The following MCOLN1 variants were observed in gnomAD, a reference collection of about 807,000 sequenced individuals.
MCOLN1 encodes mucolipin TRP cation channel 1, also known as mucolipin-1.
A neutral mutation model predicts 70.3 loss-of-function variants in MCOLN1; 50 were observed. The ratio of observed to expected loss-of-function variants is 0.71; its 90% CI spans 0.57 to 0.90. MCOLN1 has a LOEUF of 0.90. MCOLN1 is among the 40% of genes least tolerant of loss of function. MCOLN1 has a pLI of 0.00. For synonymous variants in MCOLN1, 366 were observed against 341.0 expected (o/e 1.07, Z -0.81); for missense variants, 598 against 803.5 (o/e 0.74, Z 3.09).
In MCOLN1 at chr19:7,524,175, C is replaced by G. The variant is rs115208233; in HGVS notation, c.32-786C>G. Among the ~76,000 whole-genome samples, 3,353 of 152,226 alleles carry G rather than the reference C, an allele frequency of 0.022. 120 individuals are homozygous for G. Among genetic ancestry groups the G allele is most frequent in the African/African-American group, 0.077 (3,186 of 41,510 alleles). On this transcript the variant is annotated intron_variant, in intron 1 of 13. Transcript: ENST00000264079. This position sits in a 1 kb window ranked among gnomAD's most constrained non-coding sequence, Gnocchi z 4.1. ...GGGTCGCCTTTTTAAAATTTCCACT[C>G]TTCAGATGAGGAGATGGAGGCTCAG...
In MCOLN1 at chr19:7,527,500, C is replaced by T. The variant is rs763070605; in HGVS notation, c.572-20C>T. 3.4e-6 allele frequency: 4 copies of T among 1,170,536 alleles called. No homozygotes were observed. The highest frequency in any genetic ancestry group is 5.2e-6 in the Non-Finnish European group (4 of 774,226). The allele number at this position is 1,170,536 out of a possible 1,614,324, so 72.5% of individuals were successfully genotyped here. A position where few individuals can be genotyped will look rare whatever the true frequency, so the allele number is the denominator to read the frequency against. ...GCCTCCCCGGCCCCCTGAGGCCCTTCCCTGACTCCCTGTCCTTAGACTGCA... is the reference window on the plus strand; with the variant it reads ...GCCTCCCCGGCCCCCTGAGGCCCTTTCCTGACTCCCTGTCCTTAGACTGCA... On this transcript the variant is annotated intron_variant, in intron 4 of 13. Transcript: ENST00000264079.
rs1388254627 is a variant in MCOLN1 at position 7,529,520 on chromosome 19, C to A, written c.1237-70C>A. The A allele has an allele frequency of 5.0e-6, 7 of 1,387,248 alleles. No individual in the cohort carries two copies. In the African/African-American group the frequency reaches 5.7e-5, roughly 11 times the overall value. The allele number at this position is 1,387,248 out of a possible 1,614,324, so 85.9% of individuals were successfully genotyped here. On this transcript the variant is annotated intron_variant, in intron 10 of 13. Transcript: ENST00000264079. ...GGCAAGGCCCCGCCCCTCCCACCCCCATCTGGGTGCCCACAGCTGACCTGA... is the reference window on the plus strand; with the variant it reads ...GGCAAGGCCCCGCCCCTCCCACCCCAATCTGGGTGCCCACAGCTGACCTGA...
Position 7,528,014 on chromosome 19 carries a change from T to C in MCOLN1, c.777+54T>C. Reference sequence around the variant, plus strand: ...CCTGAGTTCCAGGGCAGGGACCTGGTCAGGGAGTGTCTTGGGAGCACTGGC... The same window carrying C: ...CCTGAGTTCCAGGGCAGGGACCTGGCCAGGGAGTGTCTTGGGAGCACTGGC... On this transcript the variant is annotated intron_variant, in intron 6 of 13. Coordinates refer to ENST00000264079, the MANE Select transcript of MCOLN1 (RefSeq NM_020533.3). This position sits in a 1 kb window ranked among gnomAD's most constrained non-coding sequence, Gnocchi z 4.2. The C allele has an allele frequency of 6.4e-7, 1 of 1,555,460 alleles. No individual in the cohort carries two copies. The highest frequency in any genetic ancestry group is 8.9e-7 in the Non-Finnish European group (1 of 1,126,892).
intron 12 of MCOLN1, among the ~76,000 whole-genome samples, chr19:7,531,799 C>A (rs988375416): frequency 6.6e-5 from 10 of 152,244 alleles, no homozygotes; most frequent in African/African-American, 2.4e-4. Context: ...TACTGAGTAG[C>A]TGGGATTATA....
At chr19:7,527,158 G>T in intron 4 of MCOLN1, 1 of 616,650 alleles carries the variant, frequency 1.6e-6, no homozygotes, top group Non-Finnish European at 2.9e-6. Context: ...TGTGGTCCCA[G>T]CTACTCAGGA....
chr19:7,528,795 G>A lies in MCOLN1; in HGVS notation c.985-26G>A, dbSNP rs755065891. The A allele has an allele frequency of 3.5e-5, 56 of 1,614,016 alleles. No individual in the cohort carries two copies. Among genetic ancestry groups the A allele is most frequent in the Non-Finnish European group, 4.4e-5 (52 of 1,179,992 alleles). On this transcript the variant is annotated intron_variant, in intron 8 of 13. Coordinates refer to ENST00000264079, the MANE Select transcript of MCOLN1 (RefSeq NM_020533.3). The surrounding 1 kb of genome is among the most constrained non-coding windows in gnomAD (Gnocchi z 4.2). Reference sequence around the variant, plus strand: ...CTTTGAGGGTCCTGTGCCTGGTCAGGCCCTCACCCCGCCTGCCTTCTGCAG... The same window carrying A: ...CTTTGAGGGTCCTGTGCCTGGTCAGACCCTCACCCCGCCTGCCTTCTGCAG...
Position 7,533,819 on chromosome 19 carries a change from G to T in MCOLN1, c.*24G>T, listed in dbSNP as rs543749105. ...GATTCGACCTGACTGCCGTTGGACCGTAGGCCCTGGACTGCAGAGACCCCC... is the reference window on the plus strand; with the variant it reads ...GATTCGACCTGACTGCCGTTGGACCTTAGGCCCTGGACTGCAGAGACCCCC... On this transcript the variant is annotated 3_prime_UTR_variant, in exon 14 of 14. Coordinates refer to ENST00000264079, the MANE Select transcript of MCOLN1 (RefSeq NM_020533.3). 3 of 1,613,844 alleles carry T rather than the reference G, an allele frequency of 1.9e-6. No homozygotes were observed. The highest frequency in any genetic ancestry group is 2.5e-6 in the Non-Finnish European group (3 of 1,179,806).
intron 9 of MCOLN1, 33 bp from the exon 10 acceptor site, chr19:7,529,068 G>T (rs192400551): frequency 5.0e-6 from 8 of 1,613,584 alleles, no homozygotes; most frequent in Middle Eastern, 3.3e-4. Flanking sequence ...GGAAGGGCTG[G>T]GCCAGATAGG....
At chr19:7,529,774 C>T in intron 11 of MCOLN1, 62 bp downstream of exon 11, 1 of 1,597,782 alleles carries the variant, frequency 6.3e-7, no homozygotes, top group South Asian at 1.1e-5. Context: ...ACACTGTGAC[C>T]CCCAGATGAC....
At position 7,528,962 on chromosome 19, in the gene MCOLN1, G is replaced by A; in HGVS notation, c.1126G>A (p.Glu376Lys). 11 of 1,614,082 alleles carry A rather than the reference G, an allele frequency of 6.8e-6. No individual in the cohort carries two copies. The highest frequency in any genetic ancestry group is 9.3e-6 in the Non-Finnish European group (11 of 1,180,022). Residue 376 changes from glutamate (E) to lysine (K), a missense_variant, in exon 9 of 14, where the codon GAG becomes AAG. By Grantham distance (56) the Glu-to-Lys change is moderately conservative. This residue lies in a region of MCOLN1 where 461 missense variants were observed against 588.4 expected (regional missense o/e 0.78). Coordinates refer to ENST00000264079, the MANE Select transcript of MCOLN1 (RefSeq NM_020533.3). This position sits in a 1 kb window ranked among gnomAD's most constrained non-coding sequence, Gnocchi z 4.2. ...GGGCACCATCATGAAGATCGGCATCGAGGCCAAGGTGCGTCCTGCCAACAC... is the reference window on the plus strand; with the variant it reads ...GGGCACCATCATGAAGATCGGCATCAAGGCCAAGGTGCGTCCTGCCAACAC... ...ISGTIMKIGIEAKNLASYDVC... is the reference protein window; with the variant it reads ...ISGTIMKIGIKAKNLASYDVC...
chr19:7,524,866 C>A lies in MCOLN1; in HGVS notation c.32-95C>A. 1.0e-6 allele frequency: 1 copy of A among 991,258 alleles called. No homozygotes were observed. Among genetic ancestry groups the A allele is most frequent in the Non-Finnish European group, 1.6e-6 (1 of 630,988 alleles). 61.4% of individuals were successfully genotyped at this position (991,258 alleles called of 1,614,324 possible). ...CTCTTCCTTGGCAGGAGCATGGGGA[C>A]ATGAAGATAGGGCGTGTGCTGCCTT... On this transcript the variant is annotated intron_variant, in intron 1 of 13. Transcript: ENST00000264079. The surrounding 1 kb of genome is among the most constrained non-coding windows in gnomAD (Gnocchi z 4.1).
intron 1 of MCOLN1, 98 bp downstream of exon 1, chr19:7,522,879 C>A: frequency 8.9e-7 from 1 of 1,125,738 alleles, no homozygotes; most frequent in Non-Finnish European, 1.1e-6. Flanking sequence ...TTTTTCTAAG[C>A]TCCAGCGCTG....
In MCOLN1 at chr19:7,522,779, C is replaced by T. The variant is rs953773169; in HGVS notation, c.29C>T (p.Ser10Leu). ...ACAGCCCCGGCGGGTCCGCGCGGCT[C>T]AGGTGAGGGCGCGGGCGGCACCGTG... MTAPAGPRG[S>L]ETERLLTPNP... The change falls in exon 1 of 14, where the codon TCA (serine) becomes TTA (leucine). Residue 10 changes from serine to leucine, a missense_variant and splice_region_variant. This residue lies in a region of MCOLN1 where 461 missense variants were observed against 588.4 expected (regional missense o/e 0.78). Coordinates refer to ENST00000264079, the MANE Select transcript of MCOLN1 (RefSeq NM_020533.3). 27 of 1,368,462 alleles carry T rather than the reference C, an allele frequency of 2.0e-5. No individual in the cohort carries two copies. The highest frequency in any genetic ancestry group is 2.4e-5 in the Non-Finnish European group (26 of 1,066,632). The allele number at this position is 1,368,462 out of a possible 1,614,324, so 84.8% of individuals were successfully genotyped here.
chr19:7,527,309 T>C (rs1381732896), intron 4 of MCOLN1: 2 of 591,234 alleles, frequency 3.4e-6, no homozygotes, highest in Non-Finnish European at 6.0e-6. Flanking sequence ...GTATGCTTAG[T>C]GTGAGTGTGA....
chr19:7,531,208 AT>A (rs1016184056), intron 12 of MCOLN1, among the ~76,000 whole-genome samples: 2 of 145,890 alleles, frequency 1.4e-5, no homozygotes, highest in Non-Finnish European at 3.0e-5. Context: ...TATTATTATT[AT>A]TTTTTTTTTG....
chr19:7,525,006 C>T lies in MCOLN1; in HGVS notation c.77C>T (p.Ala26Val), dbSNP rs372794201. The T allele has an allele frequency of 5.3e-5, 86 of 1,613,734 alleles. 1 individual carries two copies. The Middle Eastern group carries it at 8.3e-4, about 16-fold the overall frequency. Residue 26 changes from alanine to valine, a missense_variant, in exon 2 of 14, where the codon GCG becomes GTG. By Grantham distance (64) the Ala-to-Val change is moderately conservative. Around this residue, in one of 3 missense-constraint regions of MCOLN1, gnomAD observed 461 missense variants for 588.4 expected, o/e 0.78. Transcript: ENST00000264079. The surrounding 1 kb of genome is among the most constrained non-coding windows in gnomAD (Gnocchi z 4.2). ...CCCAACCCCGGGTATGGGACCCAGGCGGGGCCTTCACCGGCCCCTCCGACA... is the reference window on the plus strand; with the variant it reads ...CCCAACCCCGGGTATGGGACCCAGGTGGGGCCTTCACCGGCCCCTCCGACA... ...LTPNPGYGTQ[A>V]GPSPAPPTPP...
At chr19:7,532,845 G>A (rs781437566) in intron 12 of MCOLN1, among the ~76,000 whole-genome samples, 3 of 152,224 alleles carry the variant, frequency 2.0e-5, no homozygotes, top group Non-Finnish European at 2.9e-5. Context: ...ATATTGGACA[G>A]CATAGATATT....
rs574357252 is a variant in MCOLN1, at chr19:7,530,590, A to G, written c.1575+89A>G. ...GTCTTGGGGACACCGCAGGGTGAAC[A>G]GAGAAGACCCAGGAGAGAATATGGG... is the stretch of plus-strand genomic sequence containing the variant. On this transcript the variant is annotated intron_variant, in intron 12 of 13. Coordinates refer to ENST00000264079, the MANE Select transcript of MCOLN1 (RefSeq NM_020533.3). The G allele has an allele frequency of 4.4e-5, 54 of 1,216,500 alleles. 1 individual carries two copies. The South Asian group carries it at 5.8e-4, about 13-fold the overall frequency. The allele number at this position is 1,216,500 out of a possible 1,614,324, so 75.4% of individuals were successfully genotyped here. A position where few individuals can be genotyped will look rare whatever the true frequency, so the allele number is the denominator to read the frequency against.
chr19:7,527,615 C>G lies in MCOLN1; in HGVS notation c.667C>G (p.Leu223Val). The G allele has an allele frequency of 6.2e-7, 1 of 1,612,522 alleles. No individual in the cohort carries two copies. Among genetic ancestry groups the G allele is most frequent in the Non-Finnish European group, 8.5e-7 (1 of 1,178,500 alleles). Residue 223 changes from leucine (L) to valine (V), a missense_variant, in exon 5 of 14, where the codon CTC becomes GTC. This residue lies in a region of MCOLN1 where 461 missense variants were observed against 588.4 expected (regional missense o/e 0.78). Coordinates refer to ENST00000264079, the MANE Select transcript of MCOLN1 (RefSeq NM_020533.3). The stretch of plus-strand genomic sequence containing the variant: ...CAGCTCCAGTTACAAGAACCTCACG[C>G]TCAAATTCCACAAGTACTGCCTGCT... ...ESSSSYKNLT[L>V]KFHKLVNVTI...
Sources: gnomAD v4.1 joint callset for allele counts (sites outside exome capture counted in the v4.1 genomes callset) on GRCh38, gnomAD v4.1.1 for gene constraint, gnomAD v4.1.1 regional missense constraint, Gnocchi (gnomAD v3.1) non-coding constraint, MANE v1.5 for transcripts, NCBI Gene and HGNC (gene_info 2026-07-23, HGNC 2026-07-21) for gene names.